The following GRIK2 variants were observed in gnomAD, a reference collection of about 807,000 sequenced individuals.
The protein encoded by GRIK2 is glutamate ionotropic receptor kainate type subunit 2.
Under a neutral mutation model 100.3 loss-of-function variants are expected in GRIK2, and 32 were observed. The observed-to-expected ratio is 0.32, with a 90% confidence interval of 0.24 to 0.43. GRIK2 has a LOEUF of 0.43. GRIK2 is among the 20% of genes least tolerant of loss of function. The probability of loss-of-function intolerance (pLI) is 1.00; values close to 1 mark genes in which losing one functional copy is unlikely to be tolerated. For synonymous variants in GRIK2, 417 were observed against 389.4 expected (o/e 1.07, Z -0.83); for missense variants, 843 against 1,114.9 (o/e 0.76, Z 3.47).
chr6:101,752,541 A>G (rs1488613643), intron 7 of GRIK2, among the ~76,000 whole-genome samples: 1 of 152,234 alleles, frequency 6.6e-6, no homozygotes, highest in Non-Finnish European at 1.5e-5. Context: ...TATAAAACCC[A>G]TTAAGAGTTT....
chr6:101,855,297 A>G (rs992665821), intron 10 of GRIK2, among the ~76,000 whole-genome samples: 1 of 152,200 alleles, frequency 6.6e-6, no homozygotes, highest in African/African-American at 2.4e-5. Context: ...TCATGGGTTT[A>G]TGTCATAATA....
chr6:101,817,511 T>C (rs1583204206), intron 9 of GRIK2, among the ~76,000 whole-genome samples: 1 of 152,200 alleles, frequency 6.6e-6, no homozygotes, highest in African/African-American at 2.4e-5. Context: ...TTTCACATCT[T>C]CTTTTGCCTC....
chr6:101,774,929 AAGT>A (rs2128399285), intron 7 of GRIK2, among the ~76,000 whole-genome samples: 1 of 152,256 alleles, frequency 6.6e-6, no homozygotes, highest in East Asian at 1.9e-4. Context: ...GAAAAAGGCA[AAGT>A]AGTCATTTTC....
chr6:101,820,343 G>A (rs1290447844), intron 10 of GRIK2, among the ~76,000 whole-genome samples: 1 of 151,698 alleles, frequency 6.6e-6, no homozygotes, highest in African/African-American at 2.4e-5. Flanking sequence ...GTAGCCTTCA[G>A]TAATCTGGCC....
At chr6:101,538,913 G>A (rs9390756) in intron 2 of GRIK2, among the ~76,000 whole-genome samples, 19,290 of 151,584 alleles carry the variant, frequency 0.13, 1,462 homozygotes, top group South Asian at 0.31. Flanking sequence ...CAAATTTTAT[G>A]TGGTAGTGAA....
chr6:101,787,572 G>A (rs1366752101), intron 7 of GRIK2, among the ~76,000 whole-genome samples: 1 of 152,090 alleles, frequency 6.6e-6, no homozygotes, highest in Non-Finnish European at 1.5e-5. Context: ...GGTCATTCAA[G>A]AGTATGCTGT....
At chr6:101,899,060 T>A (rs901407213) in intron 12 of GRIK2, among the ~76,000 whole-genome samples, 3 of 151,200 alleles carry the variant, frequency 2.0e-5, no homozygotes, top group Non-Finnish European at 3.0e-5. Flanking sequence ...TCCTGTTGGG[T>A]ATACATATAT....
At chr6:101,525,214 C>T (rs1775090641) in intron 2 of GRIK2, among the ~76,000 whole-genome samples, 1 of 152,136 alleles carries the variant, frequency 6.6e-6, no homozygotes, top group Non-Finnish European at 1.5e-5. Context: ...AAATGTTAGT[C>T]TAAGAAGAAC....
At chr6:101,651,104 CTCA>C (rs1384949166) in intron 4 of GRIK2, among the ~76,000 whole-genome samples, 2 of 148,628 alleles carry the variant, frequency 1.3e-5, no homozygotes, top group Non-Finnish European at 3.0e-5. Context: ...ATGTTTCACT[CTCA>C]TCTTCACTTT....
intron 2 of GRIK2, among the ~76,000 whole-genome samples, chr6:101,475,375 A>G (rs1772175003): frequency 6.6e-6 from 1 of 152,034 alleles, no homozygotes; most frequent in South Asian, 2.1e-4. Context: ...GGATAAAAAT[A>G]TATATTAACA....
At chr6:102,031,027 A>G (rs1236221212) in intron 14 of GRIK2, among the ~76,000 whole-genome samples, 2 of 149,430 alleles carry the variant, frequency 1.3e-5, no homozygotes, top group Non-Finnish European at 1.5e-5. Context: ...GACTTGTTCA[A>G]CCTAAACCTC....
chr6:101,755,552 G>A (rs1032974958), intron 7 of GRIK2, among the ~76,000 whole-genome samples: 12 of 152,200 alleles, frequency 7.9e-5, no homozygotes, highest in East Asian at 1.9e-4. Context: ...GAGAGTTTTC[G>A]AGAAGATTTT....
At chr6:101,468,581 T>C (rs1582517820) in intron 2 of GRIK2, among the ~76,000 whole-genome samples, 1 of 152,138 alleles carries the variant, frequency 6.6e-6, no homozygotes, top group Non-Finnish European at 1.5e-5. Context: ...ATGTGGATGG[T>C]TGCCTCTTGT....
intron 2 of GRIK2, among the ~76,000 whole-genome samples, chr6:101,527,058 C>T (rs577820766): frequency 2.6e-5 from 4 of 152,144 alleles, no homozygotes. Flanking sequence ...AAGTCTGGCC[C>T]TACCCTTTCA....
intron 9 of GRIK2, among the ~76,000 whole-genome samples, chr6:101,809,372 C>G (rs1408486014): frequency 6.6e-6 from 1 of 151,948 alleles, no homozygotes; most frequent in Non-Finnish European, 1.5e-5. Flanking sequence ...CTACAGAAAT[C>G]TTTACTATTG....
At chr6:101,411,816 C>T (rs991428888) in intron 2 of GRIK2, among the ~76,000 whole-genome samples, 1 of 151,956 alleles carries the variant, frequency 6.6e-6, no homozygotes, top group African/African-American at 2.4e-5. Flanking sequence ...ACCCCATAGC[C>T]CAAAGGGATC....
chr6:101,536,852 T>C (rs1775723008), intron 2 of GRIK2, among the ~76,000 whole-genome samples: 1 of 151,704 alleles, frequency 6.6e-6, no homozygotes, highest in South Asian at 2.1e-4. Context: ...TTTATTCTAG[T>C]TTTAATCAAT....
intron 15 of GRIK2, among the ~76,000 whole-genome samples, chr6:102,052,397 T>A (rs1287337920): frequency 6.6e-6 from 1 of 152,180 alleles, no homozygotes; most frequent in Non-Finnish European, 1.5e-5. Context: ...CATTTAAACA[T>A]TCCTATGTTC....
chr6:101,813,261 G>A (rs1267366046), intron 9 of GRIK2, among the ~76,000 whole-genome samples: 2 of 151,924 alleles, frequency 1.3e-5, no homozygotes, highest in Non-Finnish European at 2.9e-5. Context: ...ATACATATGA[G>A]GTAGCTCTCA....
Sources: gnomAD v4.1 joint callset for allele counts (sites outside exome capture counted in the v4.1 genomes callset) on GRCh38, gnomAD v4.1.1 for gene constraint, MANE v1.5 for transcripts, NCBI Gene and HGNC (gene_info 2026-07-23, HGNC 2026-07-21) for gene names.